The following CFAP44 variants were observed in gnomAD, a reference collection of about 807,000 sequenced individuals.
CFAP44 encodes cilia and flagella associated protein 44.
Under a neutral mutation model 216.2 loss-of-function variants are expected in CFAP44, and 134 were observed. The ratio of observed to expected loss-of-function variants is 0.62; its 90% CI spans 0.54 to 0.72. The LOEUF (loss-of-function observed/expected upper bound fraction) is 0.72, where lower values mean the gene tolerates loss of function less well. Among genes scored for constraint, CFAP44 ranks in the 30% least tolerant of loss-of-function variants. The probability of loss-of-function intolerance (pLI) is 0.00; values close to 1 mark genes in which losing one functional copy is unlikely to be tolerated. For missense variants in CFAP44, 2,035 were observed against 2,182.1 expected (o/e 0.93, Z 1.34); for synonymous variants, 700 against 727.6 (o/e 0.96, Z 0.61).
At chr3:113,321,337 A>C (rs185204546) in intron 28 of CFAP44, among the ~76,000 whole-genome samples, 1 of 152,226 alleles carries the variant, frequency 6.6e-6, no homozygotes, top group Non-Finnish European at 1.5e-5. Flanking sequence ...CATAATAAAA[A>C]TCCTTGACAG....
At chr3:113,342,604 T>C (rs1363832509) in intron 23 of CFAP44, among the ~76,000 whole-genome samples, 1 of 152,106 alleles carries the variant, frequency 6.6e-6, no homozygotes, top group African/African-American at 2.4e-5. Flanking sequence ...TCCAATTCGA[T>C]ACATACAATT....
At chr3:113,393,252 G>T (rs977985236) in intron 15 of CFAP44, among the ~76,000 whole-genome samples, 3 of 152,160 alleles carry the variant, frequency 2.0e-5, no homozygotes, top group African/African-American at 7.2e-5. Flanking sequence ...AGAAATACAA[G>T]TGCTAGCAAG....
In CFAP44 at chr3:113,403,895, T is replaced by C. The variant is rs370294371; in HGVS notation, c.1127A>G (p.Tyr376Cys). ...HNGPINQIMLYEGEVITVGSD... is the reference protein window; with the variant it reads ...HNGPINQIMLCEGEVITVGSD... ...CCCAACAGTGATAACTTCACCCTCATACAGCATTATCTGGTTAATGGGACC... is the reference window on the plus strand; with the variant it reads ...CCCAACAGTGATAACTTCACCCTCACACAGCATTATCTGGTTAATGGGACC... The change falls in exon 9 of 35, where the codon TAT (tyrosine) becomes TGT (cysteine). Residue 376 changes from tyrosine (Y) to cysteine (C), a missense_variant. This residue lies in a region of CFAP44 where 1,883 missense variants were observed against 2,023.7 expected (regional missense o/e 0.93). Transcript: ENST00000393845. 4.3e-6 allele frequency: 7 copies of C among 1,614,012 alleles called. No individual in the cohort carries two copies. The highest frequency in any genetic ancestry group is 1.3e-5 in the African/African-American group (1 of 74,928).
intron 18 of CFAP44, 140 bp from the exon 19 acceptor site, chr3:113,366,449 C>G (rs1404286880): frequency 4.3e-6 from 4 of 932,418 alleles, no homozygotes; most frequent in Non-Finnish European, 6.3e-6. Context: ...TATATTGAAG[C>G]CCTAACCCCT....
rs1179750865 is a variant in CFAP44 at position 113,333,443 on chromosome 3, G to A, written c.3578C>T (p.Ala1193Val). The change falls in exon 25 of 35, where the codon GCC (alanine) becomes GTC (valine). Residue 1193 changes from alanine (A) to valine (V), a missense_variant. Ala to Val is a moderately conservative substitution (Grantham distance 64). Coordinates refer to ENST00000393845, the MANE Select transcript of CFAP44 (RefSeq NM_001164496.2). ...GTGTCCTAGTTCCTCTTCCTTCTTG[G>A]CAGCATTTATTCTCATGTGCTCAGG... is the stretch of plus-strand genomic sequence containing the variant. ...KIPEHMRINAAKKEEELGHLD... is the reference protein window; with the variant it reads ...KIPEHMRINAVKKEEELGHLD... 1 of 1,536,688 alleles carries A rather than the reference G, an allele frequency of 6.5e-7. No individual in the cohort carries two copies. Among genetic ancestry groups the A allele is most frequent in the Non-Finnish European group, 8.7e-7 (1 of 1,146,748 alleles).
At chr3:113,371,886 AAAC>A (rs1301106037) in intron 18 of CFAP44, among the ~76,000 whole-genome samples, 5 of 152,326 alleles carry the variant, frequency 3.3e-5, no homozygotes, top group African/African-American at 1.2e-4. Context: ...TACAGGAAAA[AAAC>A]AAATAATCCC....
In CFAP44 at chr3:113,402,704, A is replaced by T. The variant is rs189750775; in HGVS notation, c.1171-965T>A. ...TTTTTCTATGGGGTAAGAGGTAAAG[A>T]TTTACTGTGTGAAGGACTGAAAAGA... On this transcript the variant is annotated intron_variant, in intron 9 of 34. Transcript: ENST00000393845. 9.4e-4 allele frequency among the ~76,000 whole-genome samples: 143 copies of T among 152,258 alleles called. 1 individual carries two copies. The highest frequency in any genetic ancestry group is 3.4e-3 in the African/African-American group (140 of 41,546).
intron 23 of CFAP44, among the ~76,000 whole-genome samples, chr3:113,343,770 A>G (rs955176831): frequency 6.6e-6 from 1 of 152,248 alleles, no homozygotes; most frequent in Non-Finnish European, 1.5e-5. Flanking sequence ...AGGATTAAGT[A>G]TCAGGACAGC....
rs1559943909 is a variant in CFAP44 at position 113,420,104 on chromosome 3, AG to A, written c.482del (p.Ala161ValfsTer5). 1.2e-6 allele frequency: 2 copies of A among 1,614,064 alleles called. No homozygotes were observed. The highest frequency in any genetic ancestry group is 3.3e-5 in the Admixed American group (2 of 60,010). On this transcript the variant is annotated frameshift_variant, in exon 5 of 35. Coordinates refer to ENST00000393845, the MANE Select transcript of CFAP44 (RefSeq NM_001164496.2). LOFTEE classifies it high-confidence loss of function. ...LLDDSIAIYI[A>X]GNQLIFLNLK... ...AATTCAGAAAGATCAGTTGGTTCCC[AG>A]CTATGTATATGGCGATACTGTCGTC...
chr3:113,396,595 T>C lies in CFAP44; in HGVS notation c.1702A>G (p.Lys568Glu). 1 of 1,614,138 alleles carries C rather than the reference T, an allele frequency of 6.2e-7. No homozygotes were observed. Among genetic ancestry groups the C allele is most frequent in the South Asian group, 1.1e-5 (1 of 91,090 alleles). The change falls in exon 14 of 35, where the codon AAA (lysine) becomes GAA (glutamate). Residue 568 changes from lysine to glutamate, a missense_variant. Lys to Glu is a moderately conservative substitution (Grantham distance 56, BLOSUM62 1). Transcript: ENST00000393845. ...KKILDADIQL[K>E]QVFKPHTACV... ...GCAGTATGGGGTTTGAAAACCTGTT[T>C]CAACTGAATATCAGCATCCAAAATT... is the stretch of plus-strand genomic sequence containing the variant.
chr3:113,318,724 AC>A (rs1559909770), intron 28 of CFAP44, among the ~76,000 whole-genome samples: 1 of 152,166 alleles, frequency 6.6e-6, no homozygotes, highest in East Asian at 1.9e-4. Flanking sequence ...CTAGCAGCAG[AC>A]CTCTGAGCAG....
chr3:113,373,488 T>C lies in CFAP44; in HGVS notation c.2367A>G (p.Lys789=), dbSNP rs757707464. The change falls in exon 18 of 35, where the codon AAA becomes AAG. Residue 789 remains lysine (K), a synonymous_variant. Transcript: ENST00000393845. Reference sequence around the variant, plus strand: ...CATCAATAGGTTCATCTTTTTGTTCTTTGAAATCACTGCTTTCATCACAAG... The same window carrying C: ...CATCAATAGGTTCATCTTTTTGTTCCTTGAAATCACTGCTTTCATCACAAG... The part of the protein sequence containing the change: ...FPPCDESSDF[K]EQKDEPIDVR... 21 of 1,609,570 alleles carry C rather than the reference T, an allele frequency of 1.3e-5. No homozygotes were observed. In the South Asian group the frequency reaches 1.5e-4, roughly 12 times the overall value.
chr3:113,350,074 G>A (rs555129175), intron 22 of CFAP44, among the ~76,000 whole-genome samples: 16 of 152,310 alleles, frequency 1.1e-4, no homozygotes, highest in South Asian at 8.3e-4. Flanking sequence ...AAAACCCAAC[G>A]AGGTGGCAGT....
At chr3:113,322,275 A>G (rs1402937224) in intron 28 of CFAP44, among the ~76,000 whole-genome samples, 1 of 152,242 alleles carries the variant, frequency 6.6e-6, no homozygotes, top group African/African-American at 2.4e-5. Context: ...TGGAGAAAGA[A>G]GTTCCTATTT....
chr3:113,374,399 A>ATTTATTTAT lies in CFAP44; in HGVS notation c.2299-844_2299-843insATAAATAAA, dbSNP rs137984476. On this transcript the variant is annotated intron_variant, in intron 17 of 34. Transcript: ENST00000393845. ...TATTTATTTATTTATTTATTTATTT[A>ATTTATTTAT]TTATTATACTTTAAGTTCCAGGGTA... Among the ~76,000 whole-genome samples, 11 of 146,670 alleles carry ATTTATTTAT rather than the reference A, an allele frequency of 7.5e-5. No homozygotes were observed. The South Asian group carries it at 1.7e-3, about 23-fold the overall frequency.
chr3:113,427,446 AT>A (rs1934992937), intron 2 of CFAP44, 107 bp from the exon 3 acceptor site: 2 of 759,516 alleles, frequency 2.6e-6, no homozygotes, highest in Admixed American at 6.9e-5. Context: ...AATAAATCTA[AT>A]ACATACTCAA....
intron 32 of CFAP44, among the ~76,000 whole-genome samples, chr3:113,298,144 T>C (rs1055795358): frequency 6.6e-6 from 1 of 152,156 alleles, no homozygotes; most frequent in African/African-American, 2.4e-5. Flanking sequence ...ATACAAGGGG[T>C]TGCCCTCTTG....
intron 22 of CFAP44, among the ~76,000 whole-genome samples, chr3:113,357,658 T>G (rs761641753): frequency 2.0e-5 from 3 of 152,224 alleles, no homozygotes; most frequent in Non-Finnish European, 2.9e-5. Context: ...GCCAATCAGT[T>G]TGTAGTACTT....
rs1342324358 is a variant in CFAP44 at position 113,296,903 on chromosome 3, C to A, written c.5078-18G>T. The A allele has an allele frequency of 6.5e-7, 1 of 1,537,092 alleles. No individual in the cohort carries two copies. Among genetic ancestry groups the A allele is most frequent in the Admixed American group, 2.0e-5 (1 of 50,980 alleles). On this transcript the variant is annotated intron_variant, in intron 32 of 34. Transcript: ENST00000393845. The stretch of plus-strand genomic sequence containing the variant: ...CTCCATTTCTAAAAGAAGACAGTCA[C>A]TGGCTCAGGTTGTTCAATGGCTCCC...
Sources: allele counts gnomAD v4.1 joint callset (sites outside exome capture counted in the v4.1 genomes callset), GRCh38; gene constraint gnomAD v4.1.1; regional missense constraint gnomAD v4.1.1; transcripts MANE v1.5; gene names NCBI Gene and HGNC (gene_info 2026-07-23, HGNC 2026-07-21).